ATP8B4: variants seen among roughly 807,000 people sequenced by gnomAD.
ATP8B4 encodes ATPase phospholipid transporting 8B4 (putative), also known as probable phospholipid-transporting ATPase IM.
A neutral mutation model predicts 145.6 loss-of-function variants in ATP8B4; 133 were observed. The observed-to-expected ratio is 0.91, with a 90% CI of 0.79 to 1.05. The LOEUF is 1.05. ATP8B4 is among the 50% of genes least tolerant of loss of function. ATP8B4 has a pLI of 0.00. For missense variants in ATP8B4, 1,458 were observed against 1,425.2 expected (o/e 1.02, Z -0.37); for synonymous variants, 507 against 492.9 (o/e 1.03, Z -0.38).
chr15:50,066,383 A>C (rs956481624), intron 3 of ATP8B4, among the ~76,000 whole-genome samples: 2 of 152,130 alleles, frequency 1.3e-5, no homozygotes, highest in African/African-American at 4.8e-5. Context: ...TAACAAATGC[A>C]AGTTACTGGT....
chr15:50,016,653 A>G (rs1484791443), intron 6 of ATP8B4, among the ~76,000 whole-genome samples: 2 of 152,132 alleles, frequency 1.3e-5, no homozygotes, highest in Non-Finnish European at 2.9e-5. Flanking sequence ...AGGACTTTAT[A>G]CCATGGCATG....
intron 14 of ATP8B4, among the ~76,000 whole-genome samples, chr15:49,949,606 G>A (rs188441138): frequency 8.5e-5 from 13 of 152,096 alleles, no homozygotes; most frequent in South Asian, 4.1e-4. Flanking sequence ...AAATCATATC[G>A]TATGCCAACA....
intron 5 of ATP8B4, among the ~76,000 whole-genome samples, chr15:50,040,348 G>T (rs1201044828): frequency 6.6e-6 from 1 of 152,120 alleles, no homozygotes; most frequent in African/African-American, 2.4e-5. Flanking sequence ...TCATTCCTTT[G>T]CCTCTTCAGG....
At chr15:49,979,095 T>C (rs1228276828) in intron 12 of ATP8B4, among the ~76,000 whole-genome samples, 1 of 152,108 alleles carries the variant, frequency 6.6e-6, no homozygotes, top group Non-Finnish European at 1.5e-5. Context: ...TTTATAGACA[T>C]GTATTCACTC....
chr15:50,172,539 G>C (rs2044693285), intron 1 of ATP8B4, among the ~76,000 whole-genome samples: 1 of 152,262 alleles, frequency 6.6e-6, no homozygotes, highest in Admixed American at 6.5e-5. Flanking sequence ...AAGGTGCTGA[G>C]ATTGCAGTCT....
chr15:49,968,212 A>C (rs2044732723), intron 13 of ATP8B4, among the ~76,000 whole-genome samples: 1 of 152,260 alleles, frequency 6.6e-6, no homozygotes, highest in South Asian at 2.1e-4. Flanking sequence ...AAGAAACTGC[A>C]TCAACTAATG....
intron 20 of ATP8B4, among the ~76,000 whole-genome samples, chr15:49,915,867 G>A (rs982495895): frequency 1.3e-5 from 2 of 148,798 alleles, no homozygotes; most frequent in Non-Finnish European, 1.5e-5. Flanking sequence ...AGGTAAAACC[G>A]AGAGGCTGGG....
chr15:50,141,187 G>A (rs28721890), intron 1 of ATP8B4, among the ~76,000 whole-genome samples: 17 of 152,110 alleles, frequency 1.1e-4, no homozygotes, highest in Admixed American at 5.9e-4. Context: ...CAGAAAGAGC[G>A]GCGACCTCCT....
At chr15:49,989,734 A>C (rs2046904081) in intron 9 of ATP8B4, among the ~76,000 whole-genome samples, 1 of 152,088 alleles carries the variant, frequency 6.6e-6, no homozygotes, top group Non-Finnish European at 1.5e-5. Context: ...TCAAAACAAA[A>C]TGGTGGGAAC....
intron 2 of ATP8B4, 72 bp downstream of exon 2, chr15:50,106,867 A>C: frequency 1.4e-6 from 2 of 1,447,388 alleles, no homozygotes; most frequent in Non-Finnish European, 1.9e-6. Context: ...ATATAAATTA[A>C]ACTTCCATGA....
At chr15:49,963,953 T>A (rs1272218755) in intron 13 of ATP8B4, among the ~76,000 whole-genome samples, 1 of 152,184 alleles carries the variant, frequency 6.6e-6, no homozygotes, top group East Asian at 1.9e-4. Context: ...GGCTCTTAAA[T>A]TATCACTGAT....
intron 13 of ATP8B4, among the ~76,000 whole-genome samples, chr15:49,964,665 C>T (rs557462938): frequency 6.6e-6 from 1 of 152,150 alleles, no homozygotes; most frequent in African/African-American, 2.4e-5. Flanking sequence ...TTACTTAAAC[C>T]TTTAAGTTAC....
At chr15:50,018,758 T>C in intron 6 of ATP8B4, 2 of 396,480 alleles carry the variant, frequency 5.0e-6, no homozygotes, top group Non-Finnish European at 9.3e-6. Flanking sequence ...ACTGTATTAT[T>C]CTGGTCCCTC....
intron 6 of ATP8B4, among the ~76,000 whole-genome samples, chr15:50,025,185 T>C (rs1235026279): frequency 1.3e-5 from 2 of 152,208 alleles, no homozygotes; most frequent in Admixed American, 6.5e-5. Context: ...CAGACAAGTA[T>C]AGCAATAGGC....
chr15:50,048,228 C>T (rs2051878002), intron 3 of ATP8B4, among the ~76,000 whole-genome samples: 1 of 151,818 alleles, frequency 6.6e-6, no homozygotes, highest in Non-Finnish European at 1.5e-5. Context: ...ACCTGAGGGA[C>T]CACCCAAAAT....
At chr15:50,085,981 A>T (rs1313761966) in intron 2 of ATP8B4, among the ~76,000 whole-genome samples, 1 of 30,688 alleles carries the variant, frequency 3.3e-5, no homozygotes, top group Admixed American at 3.9e-4. Context: ...GATATATCAA[A>T]TATATCATAT....
intron 19 of ATP8B4, among the ~76,000 whole-genome samples, chr15:49,917,522 T>C (rs1056495921): frequency 1.3e-5 from 2 of 152,314 alleles, no homozygotes; most frequent in South Asian, 2.1e-4. Flanking sequence ...GAAATTTTTA[T>C]AGTTCTCTCA....
intron 25 of ATP8B4, among the ~76,000 whole-genome samples, chr15:49,870,609 T>C (rs76716373): frequency 6.6e-6 from 1 of 152,164 alleles, no homozygotes; most frequent in Non-Finnish European, 1.5e-5. Context: ...GGAAAGGATA[T>C]TAATGCTGCT....
At chr15:50,040,190 A>G (rs1048395201) in intron 5 of ATP8B4, among the ~76,000 whole-genome samples, 1 of 152,220 alleles carries the variant, frequency 6.6e-6, no homozygotes, top group Non-Finnish European at 1.5e-5. Flanking sequence ...AACAGATAGT[A>G]CTGGCAGAAG....
Sources: gnomAD v4.1 joint callset for allele counts (sites outside exome capture counted in the v4.1 genomes callset) on GRCh38, gnomAD v4.1.1 for gene constraint, MANE v1.5 for transcripts, NCBI Gene and HGNC (gene_info 2026-07-23, HGNC 2026-07-21) for gene names.